Variants in DPP6 observed in about 807,000 individuals in gnomAD.
DPP6 encodes the protein dipeptidyl peptidase like 6.
Under a neutral mutation model 122.6 loss-of-function variants are expected in DPP6, and 69 were observed. The ratio of observed to expected loss-of-function variants is 0.56; its 90% CI spans 0.46 to 0.69. The LOEUF (loss-of-function observed/expected upper bound fraction) is 0.69. DPP6 is among the 30% of genes least tolerant of loss of function. DPP6 has a pLI of 0.00. For missense variants in DPP6, 928 were observed against 1,116.9 expected, an observed-to-expected ratio of 0.83 and a Z score of 2.41; for synonymous variants, 418 against 433.1, an observed-to-expected ratio of 0.97 and a Z score of 0.43.
chr7:153,948,383 C>G (rs2129019842), intron 1 of DPP6, among the ~76,000 whole-genome samples: 1 of 152,046 alleles, frequency 6.6e-6, no homozygotes, highest in South Asian at 2.1e-4. Flanking sequence ...AAATGATAGT[C>G]AATGGTACAT....
intron 1 of DPP6, among the ~76,000 whole-genome samples, chr7:154,281,372 A>C (rs6967505): frequency 0.92 from 139,681 of 151,972 alleles, 64,295 homozygotes; most frequent in East Asian, 0.99. Flanking sequence ...TGCATCCTCT[A>C]CAAGGCCCAG....
At chr7:153,780,719 G>A in the DPP6 span, among the ~76,000 whole-genome samples, 3 of 152,212 alleles carry the variant, frequency 2.0e-5, no homozygotes, top group Non-Finnish European at 4.4e-5. Flanking sequence ...GTGGGCTGCT[G>A]GTAAGAAGAA....
chr7:154,336,336 A>G (rs993610670), intron 1 of DPP6, among the ~76,000 whole-genome samples: 3 of 152,086 alleles, frequency 2.0e-5, no homozygotes, highest in African/African-American at 7.2e-5. Flanking sequence ...TGGTGCCGGG[A>G]TGGTATGTGC....
At chr7:154,055,102 TTTTCTGGAAAATACA>T (rs1278479074) in intron 1 of DPP6, among the ~76,000 whole-genome samples, 4 of 149,900 alleles carry the variant, frequency 2.7e-5, no homozygotes, top group African/African-American at 9.8e-5. Context: ...TTTTTTTTTT[TTTTCTGGAAAATACA>T]CAATGTGTGT....
the DPP6 span, among the ~76,000 whole-genome samples, chr7:153,794,682 A>T: frequency 6.6e-6 from 1 of 152,092 alleles, no homozygotes; most frequent in Non-Finnish European, 1.5e-5. Context: ...CCAGGGATGG[A>T]ATGATATGGT....
intron 5 of DPP6, among the ~76,000 whole-genome samples, chr7:154,627,342 C>T (rs1835150483): frequency 6.6e-6 from 1 of 151,512 alleles, no homozygotes; most frequent in Non-Finnish European, 1.5e-5. Flanking sequence ...ACTACAGGCC[C>T]CTGCCACCAT....
Position 154,892,924 on chromosome 7 carries a change from C to T in DPP6, c.*444C>T, listed in dbSNP as rs553454771. 29 of 522,654 alleles carry T rather than the reference C, an allele frequency of 5.5e-5. No individual in the cohort carries two copies. The highest frequency in any genetic ancestry group is 5.0e-4 in the African/African-American group (26 of 52,250). The allele number at this position is 522,654 out of a possible 1,614,324, so 32.4% of individuals were successfully genotyped here. ...TCACGTCGCAGTGCCATGGACGCAGCAGTTACAGCACCATTGTTTTAGCAG... is the reference window on the plus strand; with the variant it reads ...TCACGTCGCAGTGCCATGGACGCAGTAGTTACAGCACCATTGTTTTAGCAG... On this transcript the variant is annotated 3_prime_UTR_variant, in exon 26 of 26. Coordinates refer to ENST00000377770, the MANE Select transcript of DPP6 (RefSeq NM_130797.4).
At chr7:154,879,668 C>A (rs1269923034) in intron 20 of DPP6, among the ~76,000 whole-genome samples, 2 of 151,726 alleles carry the variant, frequency 1.3e-5, no homozygotes, top group African/African-American at 4.8e-5. Flanking sequence ...AGGAGGATCG[C>A]TTGAACCTGG....
At chr7:154,226,802 A>G (rs1344473385) in intron 1 of DPP6, among the ~76,000 whole-genome samples, 2 of 152,212 alleles carry the variant, frequency 1.3e-5, no homozygotes, top group African/African-American at 4.8e-5. Flanking sequence ...AGTCAGAGAA[A>G]GATGGGGCTT....
intron 16 of DPP6, among the ~76,000 whole-genome samples, chr7:154,818,749 G>A (rs1036008628): frequency 6.6e-6 from 1 of 152,142 alleles, no homozygotes; most frequent in Admixed American, 6.6e-5. Context: ...AAGCTCCTTG[G>A]AGCATTGCTG....
chr7:154,063,277 AGAG>A (rs1802319445), intron 1 of DPP6, among the ~76,000 whole-genome samples: 5 of 126,924 alleles, frequency 3.9e-5, no homozygotes, highest in African/African-American at 5.9e-5. Context: ...CCCCCATCGC[AGAG>A]GGGGGAGGGA....
chr7:154,572,500 T>C (rs1312167445), intron 5 of DPP6, among the ~76,000 whole-genome samples: 3 of 146,706 alleles, frequency 2.0e-5, no homozygotes, highest in African/African-American at 7.5e-5. Context: ...AGTTTCTTTT[T>C]TTTTCTTTTC....
intron 1 of DPP6, among the ~76,000 whole-genome samples, chr7:154,339,068 C>T (rs1266626001): frequency 6.6e-6 from 1 of 152,178 alleles, no homozygotes. Flanking sequence ...TTATTTGTTT[C>T]CTCTTAAAAT....
intron 1 of DPP6, among the ~76,000 whole-genome samples, chr7:153,916,177 G>A (rs932340151): frequency 2.2e-4 from 34 of 151,672 alleles, no homozygotes; most frequent in African/African-American, 7.5e-4. Context: ...GTTTCACCAT[G>A]TTAGCCAGGA....
chr7:154,655,881 A>T (rs187455903), intron 6 of DPP6, among the ~76,000 whole-genome samples: 1 of 152,262 alleles, frequency 6.6e-6, no homozygotes, highest in East Asian at 1.9e-4. Flanking sequence ...TCACGCAGAC[A>T]CTGGTCAGCT....
intron 1 of DPP6, among the ~76,000 whole-genome samples, chr7:154,209,955 A>T (rs576171338): frequency 1.3e-5 from 2 of 152,168 alleles, no homozygotes; most frequent in African/African-American, 2.4e-5. Context: ...AGGCAATAGG[A>T]CTTCCAGGAG....
intron 7 of DPP6, among the ~76,000 whole-genome samples, chr7:154,726,506 G>T (rs1842072718): frequency 6.6e-6 from 1 of 152,216 alleles, no homozygotes; most frequent in Non-Finnish European, 1.5e-5. Flanking sequence ...GCTGGAGCTG[G>T]TGTGGGCGCA....
At chr7:154,484,213 C>T (rs1823593089) in intron 3 of DPP6, among the ~76,000 whole-genome samples, 1 of 152,210 alleles carries the variant, frequency 6.6e-6, no homozygotes, top group East Asian at 1.9e-4. Context: ...AAGACGCTTA[C>T]ATGCAGACAG....
chr7:154,879,171 G>A (rs1338918977), intron 20 of DPP6, among the ~76,000 whole-genome samples: 1 of 152,190 alleles, frequency 6.6e-6, no homozygotes, highest in Non-Finnish European at 1.5e-5. Context: ...GGCTGGGCAT[G>A]GTGGCTCACG....
Sources: allele counts gnomAD v4.1 joint callset (sites outside exome capture counted in the v4.1 genomes callset), GRCh38; gene constraint gnomAD v4.1.1; transcripts MANE v1.5; gene names NCBI Gene and HGNC (gene_info 2026-07-23, HGNC 2026-07-21).